The following MYO5B variants were observed in gnomAD, a reference collection of about 807,000 sequenced individuals.
MYO5B encodes the protein unconventional myosin-Vb.
Under a neutral mutation model 229.3 loss-of-function variants are expected in MYO5B, and 143 were observed. The observed-to-expected ratio is 0.62, with a 90% CI of 0.54 to 0.72. The LOEUF is 0.72. Ranked by LOEUF, MYO5B falls within the 30% of genes least tolerant of loss-of-function variation. MYO5B has a pLI of 0.00. For missense variants in MYO5B, 2,321 were observed against 2,331.0 expected, an observed-to-expected ratio of 1.00 and a Z score of 0.09; for synonymous variants, 918 against 885.2, an observed-to-expected ratio of 1.04 and a Z score of -0.66.
At chr18:49,959,844 T>C (rs954266293) in intron 12 of MYO5B, among the ~76,000 whole-genome samples, 1 of 152,148 alleles carries the variant, frequency 6.6e-6, no homozygotes, top group African/African-American at 2.4e-5. Flanking sequence ...CCACCAGACA[T>C]CTTTGGAGAG....
At chr18:49,977,617 C>T (rs535606800) in intron 9 of MYO5B, among the ~76,000 whole-genome samples, 16 of 152,238 alleles carry the variant, frequency 1.1e-4, no homozygotes, top group South Asian at 2.1e-4. Context: ...GTAGTCCAGC[C>T]GAGGAAGCCA....
chr18:50,078,164 G>T (rs1315798871), intron 1 of MYO5B, among the ~76,000 whole-genome samples: 1 of 152,178 alleles, frequency 6.6e-6, no homozygotes, highest in Non-Finnish European at 1.5e-5. Context: ...CAAAGATCTG[G>T]TTTCTTTAAA....
At chr18:50,092,933 C>T (rs931924032) in intron 1 of MYO5B, among the ~76,000 whole-genome samples, 1 of 152,134 alleles carries the variant, frequency 6.6e-6, no homozygotes, top group African/African-American at 2.4e-5. Flanking sequence ...GATTTGACAG[C>T]ATGCATTCTC....
intron 14 of MYO5B, among the ~76,000 whole-genome samples, chr18:49,947,900 C>T (rs1632469): frequency 0.23 from 35,156 of 151,958 alleles, 5,766 homozygotes; most frequent in African/African-American, 0.47. Context: ...AAAAAGTCAA[C>T]GTGCAGGTTT....
rs1005053500 is a variant in MYO5B, at chr18:50,169,315, T to C, written c.27+25452A>G. Reference sequence around the variant, plus strand: ...AGACCTTGTCTCAAAAAAGAAAAGCTACATAGGAAATGCAGGGGAGGGTAA... The same window carrying C: ...AGACCTTGTCTCAAAAAAGAAAAGCCACATAGGAAATGCAGGGGAGGGTAA... On this transcript the variant is annotated intron_variant, in intron 1 of 39. Coordinates refer to ENST00000285039, the MANE Select transcript of MYO5B (RefSeq NM_001080467.3). Among the ~76,000 whole-genome samples, 4 of 126,448 alleles carry C rather than the reference T, an allele frequency of 3.2e-5. 1 individual carries two copies. Among genetic ancestry groups the C allele is most frequent in the African/African-American group, 9.0e-5 (3 of 33,336 alleles). The allele number at this position is 126,448 out of a possible 152,430, so 83.0% of individuals were successfully genotyped here. A position where few individuals can be genotyped will look rare whatever the true frequency, so the allele number is the denominator to read the frequency against.
At chr18:50,044,033 C>T (rs1012335227) in intron 2 of MYO5B, among the ~76,000 whole-genome samples, 3 of 151,930 alleles carry the variant, frequency 2.0e-5, no homozygotes, top group Non-Finnish European at 4.4e-5. Flanking sequence ...AAACCTATGG[C>T]AATAAAAAAT....
rs929718961 is a variant in MYO5B at position 49,974,248 on chromosome 18, T to C, written c.1322+102A>G. ...CCACACATTTTAAACTGCCCTAAGT[T>C]GAGAACCACCAGGAAGCTCTCCAAT... is the stretch of plus-strand genomic sequence containing the variant. On this transcript the variant is annotated intron_variant, in intron 10 of 39. Coordinates refer to ENST00000285039, the MANE Select transcript of MYO5B (RefSeq NM_001080467.3). 5 of 1,553,812 alleles carry C rather than the reference T, an allele frequency of 3.2e-6. No individual in the cohort carries two copies. In the African/African-American group the frequency reaches 6.8e-5, roughly 21 times the overall value.
intron 14 of MYO5B, among the ~76,000 whole-genome samples, chr18:49,939,135 CTTTCTT>C: frequency 7.0e-6 from 1 of 143,060 alleles, no homozygotes; most frequent in African/African-American, 2.6e-5. Context: ...CATTAACACT[CTTTCTT>C]TTTTTTCTTT....
In MYO5B at chr18:49,862,293, C is replaced by T. The variant is rs903846742; in HGVS notation, c.3944+934G>A. Among the ~76,000 whole-genome samples, 6 of 152,278 alleles carry T rather than the reference C, an allele frequency of 3.9e-5. No individual in the cohort carries two copies. In the East Asian group the frequency reaches 5.8e-4, roughly 15 times the overall value. On this transcript the variant is annotated intron_variant, in intron 29 of 39. Coordinates refer to ENST00000285039, the MANE Select transcript of MYO5B (RefSeq NM_001080467.3). ...GATTACAGGTGTGAGCCACTATGCT[C>T]GGCCAGACAGCTCCGTTTTTATAGG...
intron 39 of MYO5B, among the ~76,000 whole-genome samples, chr18:49,832,187 G>A (rs1359810385): frequency 2.0e-5 from 3 of 152,148 alleles, no homozygotes; most frequent in Non-Finnish European, 4.4e-5. Flanking sequence ...ACTTAAAAAT[G>A]GTTAAAATGG....
chr18:50,065,142 G>T (rs1294825033), intron 1 of MYO5B, among the ~76,000 whole-genome samples: 1 of 152,138 alleles, frequency 6.6e-6, no homozygotes, highest in African/African-American at 2.4e-5. Flanking sequence ...ACCTATCTTT[G>T]AAGCTGTTCA....
At chr18:50,038,015 G>A (rs146843883) in intron 3 of MYO5B, among the ~76,000 whole-genome samples, 442 of 152,280 alleles carry the variant, frequency 2.9e-3, no homozygotes, top group African/African-American at 1.0e-2. Flanking sequence ...AGAATGGATT[G>A]CAGTGATGGA....
intron 7 of MYO5B, 130 bp downstream of exon 7, chr18:49,990,309 G>A (rs1337344514): frequency 1.6e-5 from 12 of 742,188 alleles, no homozygotes; most frequent in Non-Finnish European, 2.1e-5. Context: ...GAGGCCTAGG[G>A]GTTATGGCCA....
At chr18:50,147,474 A>G (rs1193235773) in intron 1 of MYO5B, among the ~76,000 whole-genome samples, 1 of 152,160 alleles carries the variant, frequency 6.6e-6, no homozygotes, top group Non-Finnish European at 1.5e-5. Context: ...GATTTGTTTA[A>G]CACATGAAGC....
At chr18:50,175,162 T>C (rs2032977608) in intron 1 of MYO5B, among the ~76,000 whole-genome samples, 1 of 152,176 alleles carries the variant, frequency 6.6e-6, no homozygotes, top group African/African-American at 2.4e-5. Flanking sequence ...CAAGCAACAT[T>C]CTGGGCAAGG....
At chr18:49,837,025 T>A in intron 37 of MYO5B, 140 bp from the exon 38 acceptor site, 1 of 808,532 alleles carries the variant, frequency 1.2e-6, no homozygotes, top group Non-Finnish European at 2.0e-6. Context: ...GGCAAGTGCC[T>A]TGCACTCAGG....
At chr18:49,957,535 A>G (rs1466423201) in intron 12 of MYO5B, among the ~76,000 whole-genome samples, 2 of 152,090 alleles carry the variant, frequency 1.3e-5, no homozygotes, top group Admixed American at 6.5e-5. Flanking sequence ...AGCCCCAGCT[A>G]CTGGGGAGAC....
At chr18:49,918,995 C>CT (rs1245634433) in intron 17 of MYO5B, among the ~76,000 whole-genome samples, 4 of 152,200 alleles carry the variant, frequency 2.6e-5, no homozygotes, top group African/African-American at 9.6e-5. Flanking sequence ...TGGCTCTACC[C>CT]TTTTCTATCT....
intron 1 of MYO5B, among the ~76,000 whole-genome samples, chr18:50,165,107 C>G (rs1416912422): frequency 2.6e-5 from 4 of 152,240 alleles, no homozygotes; most frequent in Admixed American, 2.0e-4. Flanking sequence ...TGCAGGTTTA[C>G]AAGTCTGGAA....
Sources: allele counts gnomAD v4.1 joint callset (sites outside exome capture counted in the v4.1 genomes callset), GRCh38; gene constraint gnomAD v4.1.1; transcripts MANE v1.5; gene names NCBI Gene and HGNC (gene_info 2026-07-23, HGNC 2026-07-21).